Variants in RBFOX1 observed in about 807,000 individuals in gnomAD.
The protein encoded by RBFOX1 is RNA binding protein fox-1 homolog 1.
Under a neutral mutation model 57.7 loss-of-function variants are expected in RBFOX1, and 8 were observed. The ratio of observed to expected loss-of-function variants is 0.14; its 90% CI spans 0.08 to 0.25. RBFOX1 has a LOEUF of 0.25. RBFOX1 is among the 10% of genes least tolerant of loss of function. RBFOX1 has a pLI of 1.00. For synonymous variants in RBFOX1, 326 were observed against 222.4 expected (o/e 1.47, Z -4.15); for missense variants, 611 against 548.5 (o/e 1.11, Z -1.14).
chr16:5,794,242 C>T (rs1229632296), intron 3 of RBFOX1, among the ~76,000 whole-genome samples: 1 of 152,152 alleles, frequency 6.6e-6, no homozygotes, highest in East Asian at 1.9e-4. Context: ...AATGGTCCTT[C>T]TTCCCCTTTC....
chr16:6,439,553 T>C (rs2094322572), intron 2 of RBFOX1, among the ~76,000 whole-genome samples: 2 of 152,116 alleles, frequency 1.3e-5, no homozygotes, highest in Non-Finnish European at 2.9e-5. Flanking sequence ...AACCTGCAGT[T>C]TGGGTACAGG....
chr16:5,264,895 G>A (rs368324858), intron 1 of RBFOX1, among the ~76,000 whole-genome samples: 65 of 152,268 alleles, frequency 4.3e-4, no homozygotes, highest in East Asian at 2.1e-3. Context: ...CCCTGCAGAT[G>A]TAGCATAAGT....
At chr16:7,488,553 C>T (rs1235135171) in intron 4 of RBFOX1, among the ~76,000 whole-genome samples, 1 of 146,142 alleles carries the variant, frequency 6.8e-6, no homozygotes, top group African/African-American at 2.4e-5. Flanking sequence ...TCTATACATA[C>T]ATCAATCCAT....
At chr16:6,565,934 T>C (rs1370751449) in intron 2 of RBFOX1, among the ~76,000 whole-genome samples, 1 of 152,250 alleles carries the variant, frequency 6.6e-6, no homozygotes, top group Non-Finnish European at 1.5e-5. Flanking sequence ...TTTTTGTTTT[T>C]GTTTTTTTCC....
intron 1 of RBFOX1, among the ~76,000 whole-genome samples, chr16:5,394,664 C>G (rs139993572): frequency 2.3e-4 from 34 of 151,034 alleles, no homozygotes; most frequent in African/African-American, 7.6e-4. Context: ...TGGGCCCAAG[C>G]AATCCTCCTA....
intron 4 of RBFOX1, among the ~76,000 whole-genome samples, chr16:7,503,402 G>T (rs1030933006): frequency 2.0e-5 from 3 of 152,136 alleles, no homozygotes; most frequent in African/African-American, 7.2e-5. Context: ...AGAATACTCT[G>T]GACAGCTATG....
intron 1 of RBFOX1, among the ~76,000 whole-genome samples, chr16:6,151,355 G>A (rs1001527315): frequency 1.3e-5 from 2 of 151,942 alleles, no homozygotes; most frequent in African/African-American, 2.4e-5. Flanking sequence ...GCACGATCTC[G>A]GCTCACTGCA....
rs116728974 is a variant in RBFOX1 at position 6,301,135 on chromosome 16, T to G, written c.-126-15860T>G. On this transcript the variant is annotated intron_variant, in intron 1 of 15. Coordinates refer to ENST00000550418, the MANE Select transcript of RBFOX1 (RefSeq NM_018723.4). ...CCTGGAAACTTTGGAATGTAGATTT[T>G]TTTCTTTGCTTCTTTAAATTGTAGA... is the stretch of plus-strand genomic sequence containing the variant. Among the ~76,000 whole-genome samples the G allele has an allele frequency of 8.2e-3, 1,242 of 152,352 alleles. 14 individuals are homozygous for G. Among genetic ancestry groups the G allele is most frequent in the African/African-American group, 0.026 (1,092 of 41,566 alleles).
In RBFOX1 at chr16:5,341,411, G is replaced by C. The variant is rs11859990; in HGVS notation, c.219+101306G>C. On this transcript the variant is annotated intron_variant, in intron 1 of 2. Coordinates refer to the RBFOX1 transcript ENST00000585867. ...TACTAGTCCAGGAGAGAGATCATGG[G>C]GGGTAGAATGTCGTGGCTATAATGG... Among the ~76,000 whole-genome samples the C allele has an allele frequency of 6.3e-3, 964 of 152,256 alleles. 4 individuals are homozygous for C. The highest frequency in any genetic ancestry group is 0.011 in the Admixed American group (168 of 15,292).
chr16:6,462,077 G>C (rs970736306), intron 2 of RBFOX1, among the ~76,000 whole-genome samples: 6 of 152,106 alleles, frequency 3.9e-5, no homozygotes, highest in African/African-American at 1.4e-4. Context: ...ATTTTTAATG[G>C]ACAGTTCCAG....
intron 4 of RBFOX1, among the ~76,000 whole-genome samples, chr16:5,905,396 A>C (rs2058433351): frequency 6.6e-6 from 1 of 152,034 alleles, no homozygotes; most frequent in African/African-American, 2.4e-5. Context: ...ACACAGACAC[A>C]TATAGAGGGA....
chr16:5,938,775 C>T (rs1326692259), intron 4 of RBFOX1, among the ~76,000 whole-genome samples: 2 of 152,134 alleles, frequency 1.3e-5, no homozygotes, highest in African/African-American at 2.4e-5. Flanking sequence ...CTGCAGCTCA[C>T]CACAAAGCAG....
At chr16:5,813,925 T>G (rs1809448899) in intron 3 of RBFOX1, among the ~76,000 whole-genome samples, 1 of 152,256 alleles carries the variant, frequency 6.6e-6, no homozygotes, top group African/African-American at 2.4e-5. Context: ...TAGGATTGGC[T>G]TATCGTAGGT....
rs1169061766 is a variant in RBFOX1 at position 5,947,444 on chromosome 16, T to C, written c.351+80109T>C. Among the ~76,000 whole-genome samples the C allele has an allele frequency of 1.3e-5, 2 of 152,186 alleles. No individual in the cohort carries two copies. Among genetic ancestry groups the C allele is most frequent in the African/African-American group, 2.4e-5 (1 of 41,442 alleles). ...GTGCATTGGTATGATCATGGCTCACTACAGCCTCGAAATCTTGTGCTCAAG... is the reference window on the plus strand; with the variant it reads ...GTGCATTGGTATGATCATGGCTCACCACAGCCTCGAAATCTTGTGCTCAAG... On this transcript the variant is annotated intron_variant, in intron 4 of 19. Coordinates refer to the RBFOX1 transcript ENST00000641259. This position sits in a 1 kb window ranked among gnomAD's most constrained non-coding sequence, Gnocchi z 7.2.
chr16:6,596,090 A>G (rs888790334), intron 2 of RBFOX1, among the ~76,000 whole-genome samples: 3 of 152,100 alleles, frequency 2.0e-5, no homozygotes, highest in Non-Finnish European at 4.4e-5. Context: ...TTTACTTCTT[A>G]TATGGGATTG....
chr16:7,305,358 C>T (rs1010227314), intron 4 of RBFOX1, among the ~76,000 whole-genome samples: 3 of 152,080 alleles, frequency 2.0e-5, no homozygotes, highest in Non-Finnish European at 4.4e-5. Flanking sequence ...CTCAGCACTG[C>T]CCTTGTAGGG....
intron 4 of RBFOX1, among the ~76,000 whole-genome samples, chr16:5,898,946 C>G (rs1042581795): frequency 6.6e-6 from 1 of 151,092 alleles, no homozygotes. Context: ...GCCTGTGGTC[C>G]CAGCTACGTG....
intron 3 of RBFOX1, among the ~76,000 whole-genome samples, chr16:6,673,115 A>G (rs1308079731): frequency 6.6e-6 from 1 of 152,212 alleles, no homozygotes; most frequent in Non-Finnish European, 1.5e-5. Context: ...ACTTGCTTAT[A>G]GCAGACAGAG....
chr16:6,690,524 A>C (rs1020729594), intron 3 of RBFOX1, among the ~76,000 whole-genome samples: 5 of 149,914 alleles, frequency 3.3e-5, no homozygotes, highest in African/African-American at 1.2e-4. Flanking sequence ...TATATAAGTA[A>C]AAGGCAAACA....
Sources: gnomAD v4.1 joint callset for allele counts (sites outside exome capture counted in the v4.1 genomes callset) on GRCh38, gnomAD v4.1.1 for gene constraint, Gnocchi (gnomAD v3.1) non-coding constraint, MANE v1.5 for transcripts, NCBI Gene and HGNC (gene_info 2026-07-23, HGNC 2026-07-21) for gene names.